KIAA1217: variants seen among roughly 807,000 people sequenced by gnomAD.
KIAA1217 encodes sickle tail protein homolog.
Under a neutral mutation model 163.9 loss-of-function variants are expected in KIAA1217, and 88 were observed. The ratio of observed to expected loss-of-function variants is 0.54; its 90% CI spans 0.45 to 0.64. The LOEUF is 0.64. Among genes scored for constraint, KIAA1217 ranks in the 30% least tolerant of loss-of-function variants. KIAA1217 has a pLI of 0.00. For missense variants in KIAA1217, 2,372 were observed against 2,475.0 expected, an observed-to-expected ratio of 0.96 and a Z score of 0.88; for synonymous variants, 903 against 923.1, an observed-to-expected ratio of 0.98 and a Z score of 0.39.
intron 2 of KIAA1217, among the ~76,000 whole-genome samples, chr10:24,334,480 G>GAAGGAAAGAAGA (rs548225852): frequency 1.2e-5 from 1 of 81,768 alleles, no homozygotes; most frequent in South Asian, 3.5e-4. Context: ...AGGAAGGAAG[G>GAAGGAAAGAAGA]AAGGAACTTA....
intron 1 of KIAA1217, among the ~76,000 whole-genome samples, chr10:23,818,196 T>C (rs1242119483): frequency 7.0e-6 from 1 of 143,210 alleles, no homozygotes; most frequent in Non-Finnish European, 1.5e-5. Flanking sequence ...AGGTATTAGG[T>C]AAGACATATT....
chr10:24,450,649 G>C (rs1412745332), intron 5 of KIAA1217, among the ~76,000 whole-genome samples: 1 of 152,186 alleles, frequency 6.6e-6, no homozygotes, highest in Non-Finnish European at 1.5e-5. Context: ...ATATACCTGA[G>C]AAGTTGTTAT....
intron 1 of KIAA1217, among the ~76,000 whole-genome samples, chr10:23,870,833 G>A (rs560403888): frequency 6.6e-6 from 1 of 152,140 alleles, no homozygotes; most frequent in South Asian, 2.1e-4. Flanking sequence ...AGTCAATTGA[G>A]TTTATGCCAG....
At chr10:24,114,642 TG>T (rs2062981446) in intron 2 of KIAA1217, among the ~76,000 whole-genome samples, 1 of 152,210 alleles carries the variant, frequency 6.6e-6, no homozygotes, top group Non-Finnish European at 1.5e-5. Context: ...AATTAACAAG[TG>T]AACATTCTCA....
chr10:23,857,262 C>T (rs1839735652), intron 1 of KIAA1217, among the ~76,000 whole-genome samples: 1 of 152,186 alleles, frequency 6.6e-6, no homozygotes, highest in Non-Finnish European at 1.5e-5. Flanking sequence ...GGGGTCAGAA[C>T]ATCTTATTCC....
At chr10:23,905,828 A>AG (rs1225890557) in intron 1 of KIAA1217, among the ~76,000 whole-genome samples, 4 of 152,192 alleles carry the variant, frequency 2.6e-5, no homozygotes, top group African/African-American at 9.6e-5. Flanking sequence ...TGACTTTGGT[A>AG]GGGAAGTGTG....
In KIAA1217 at chr10:24,542,782, A is replaced by G; in HGVS notation, c.3612+12A>G. 6.2e-7 allele frequency: 1 copy of G among 1,613,652 alleles called. No homozygotes were observed. The highest frequency in any genetic ancestry group is 2.2e-5 in the East Asian group (1 of 44,872). On this transcript the variant is annotated intron_variant, in intron 18 of 20. Coordinates refer to ENST00000376454, the MANE Select transcript of KIAA1217 (RefSeq NM_019590.5). ...TGGAATTCCAAAAGGTGAGTTCACC[A>G]GATCTGGGTTCCGACCAATACCATG...
chr10:24,142,601 T>A (rs1419761994), intron 2 of KIAA1217, among the ~76,000 whole-genome samples: 1 of 152,074 alleles, frequency 6.6e-6, no homozygotes, highest in East Asian at 1.9e-4. Flanking sequence ...CTTGAATCTA[T>A]AAAAAAATAA....
intron 1 of KIAA1217, among the ~76,000 whole-genome samples, chr10:23,881,107 A>G (rs1201106618): frequency 1.3e-5 from 2 of 151,912 alleles, no homozygotes; most frequent in African/African-American, 4.8e-5. Context: ...TAAAAAAAAA[A>G]AAATGCTGAA....
chr10:24,487,396 A>G (rs969577600), intron 6 of KIAA1217, among the ~76,000 whole-genome samples: 1 of 152,274 alleles, frequency 6.6e-6, no homozygotes, highest in Non-Finnish European at 1.5e-5. Context: ...TCACGCACAA[A>G]GTGATGGTGG....
intron 1 of KIAA1217, among the ~76,000 whole-genome samples, chr10:23,899,337 G>A (rs993568096): frequency 6.6e-6 from 1 of 152,072 alleles, no homozygotes; most frequent in Non-Finnish European, 1.5e-5. Flanking sequence ...GATATTGTCA[G>A]AATTTTTAAT....
At chr10:23,993,715 C>T (rs753275197) in intron 1 of KIAA1217, among the ~76,000 whole-genome samples, 1 of 151,752 alleles carries the variant, frequency 6.6e-6, no homozygotes, top group Non-Finnish European at 1.5e-5. Context: ...GCTACCACAC[C>T]CAGCTAATTT....
chr10:24,301,707 A>G (rs898139124), intron 2 of KIAA1217, among the ~76,000 whole-genome samples: 35 of 152,208 alleles, frequency 2.3e-4, no homozygotes, highest in African/African-American at 7.2e-4. Flanking sequence ...TAAAGGCAAC[A>G]GAAGTTCCAC....
chr10:23,784,027 T>A (rs1459550234), intron 1 of KIAA1217, among the ~76,000 whole-genome samples: 1 of 152,140 alleles, frequency 6.6e-6, no homozygotes, highest in Admixed American at 6.5e-5. Flanking sequence ...CTGCATTTTT[T>A]ATACTCTAAT....
intron 2 of KIAA1217, among the ~76,000 whole-genome samples, chr10:24,235,815 C>T (rs957357591): frequency 6.6e-6 from 1 of 152,148 alleles, no homozygotes; most frequent in South Asian, 2.1e-4. Flanking sequence ...AGAAGGTCCG[C>T]GTTGACCCTT....
chr10:24,534,897 A>G (rs2073756357), intron 16 of KIAA1217, among the ~76,000 whole-genome samples: 2 of 151,688 alleles, frequency 1.3e-5, no homozygotes, highest in South Asian at 4.2e-4. Context: ...AAAAAAAAAA[A>G]AAAAAAGCGT....
chr10:24,292,754 A>G (rs398488), intron 2 of KIAA1217, among the ~76,000 whole-genome samples: 140,768 of 152,240 alleles, frequency 0.92, 65,326 homozygotes, highest in African/African-American at 0.97. Flanking sequence ...TTTCCACGGA[A>G]TGAAGGTAAA....
chr10:24,500,039 T>A (rs1043716966), intron 8 of KIAA1217, among the ~76,000 whole-genome samples: 1 of 152,092 alleles, frequency 6.6e-6, no homozygotes, highest in Non-Finnish European at 1.5e-5. Context: ...GCGGGAAAGG[T>A]TCCCGAAATG....
At chr10:24,277,027 A>G (rs12769904) in intron 2 of KIAA1217, among the ~76,000 whole-genome samples, 48,042 of 152,052 alleles carry the variant, frequency 0.32, 8,368 homozygotes, top group Admixed American at 0.47. Context: ...CCAAAGCTCT[A>G]TGATTATAGA....
Sources: gnomAD v4.1 joint callset for allele counts (sites outside exome capture counted in the v4.1 genomes callset) on GRCh38, gnomAD v4.1.1 for gene constraint, MANE v1.5 for transcripts, NCBI Gene and HGNC (gene_info 2026-07-23, HGNC 2026-07-21) for gene names.